SHISA9: variants seen among roughly 807,000 people sequenced by gnomAD.
The protein encoded by SHISA9 is shisa family member 9, also known as protein shisa-9.
SHISA9 carries 13 observed loss-of-function variants against 38.0 expected under a neutral mutation model. The ratio of observed to expected loss-of-function variants is 0.34; its 90% CI spans 0.22 to 0.54. The LOEUF is 0.54. Among genes scored for constraint, SHISA9 ranks in the 20% least tolerant of loss-of-function variants. The pLI is 0.91. For synonymous variants in SHISA9, 275 were observed against 242.0 expected (o/e 1.14, Z -1.27); for missense variants, 538 against 575.8 (o/e 0.93, Z 0.67).
At chr16:13,252,470 G>A in the SHISA9 span, among the ~76,000 whole-genome samples, 3 of 152,308 alleles carry the variant, frequency 2.0e-5, no homozygotes, top group Admixed American at 6.5e-5. Flanking sequence ...GTTCCCAAAT[G>A]TCAGAAGTGC....
chr16:13,151,257 C>A (rs955649811), intron 2 of SHISA9, among the ~76,000 whole-genome samples: 2 of 152,150 alleles, frequency 1.3e-5, no homozygotes, highest in African/African-American at 2.4e-5. Flanking sequence ...CAGGCGCCCG[C>A]CACCACACCT....
At chr16:13,402,670 C>T in the SHISA9 span, among the ~76,000 whole-genome samples, 1 of 152,126 alleles carries the variant, frequency 6.6e-6, no homozygotes, top group African/African-American at 2.4e-5. Flanking sequence ...GGCCGCCACG[C>T]CCGGCTATTT....
At chr16:13,070,057 G>A (rs1440164926) in intron 2 of SHISA9, among the ~76,000 whole-genome samples, 1 of 151,844 alleles carries the variant, frequency 6.6e-6, no homozygotes, top group African/African-American at 2.4e-5. Flanking sequence ...GGAAATTTGG[G>A]GGCTTCCATT....
chr16:13,425,885 G>A, the SHISA9 span, among the ~76,000 whole-genome samples: 3 of 152,150 alleles, frequency 2.0e-5, no homozygotes, highest in East Asian at 1.9e-4. Context: ...CTCTGATACT[G>A]TAGTTGTTAT....
At chr16:13,389,836 T>C in the SHISA9 span, among the ~76,000 whole-genome samples, 1 of 152,346 alleles carries the variant, frequency 6.6e-6, no homozygotes, top group East Asian at 1.9e-4. Flanking sequence ...ATATCTCCAC[T>C]GGCTATAATC....
chr16:13,536,062 G>A, the SHISA9 span, among the ~76,000 whole-genome samples: 3 of 151,052 alleles, frequency 2.0e-5, no homozygotes, highest in East Asian at 1.9e-4. Flanking sequence ...TCAATGGCAC[G>A]GTCTCGGCTC....
chr16:12,967,374 A>T (rs1171798577), intron 2 of SHISA9, among the ~76,000 whole-genome samples: 1 of 152,158 alleles, frequency 6.6e-6, no homozygotes, highest in African/African-American at 2.4e-5. Flanking sequence ...ACACATGGAC[A>T]CAGGAAGGGG....
At chr16:12,961,442 C>T (rs1406761268) in intron 2 of SHISA9, among the ~76,000 whole-genome samples, 3 of 152,124 alleles carry the variant, frequency 2.0e-5, no homozygotes, top group African/African-American at 4.8e-5. Context: ...CCACTTGAGG[C>T]CAGAAGTGGA....
At chr16:12,927,104 C>T (rs1432831428) in intron 2 of SHISA9, among the ~76,000 whole-genome samples, 1 of 151,434 alleles carries the variant, frequency 6.6e-6, no homozygotes, top group East Asian at 1.9e-4. Context: ...ATAATAACAG[C>T]CAATATAAAA....
At chr16:13,249,808 C>T in the SHISA9 span, among the ~76,000 whole-genome samples, 1 of 152,238 alleles carries the variant, frequency 6.6e-6, no homozygotes, top group East Asian at 1.9e-4. Context: ...TGTGGGCTCA[C>T]AGCAGCCTCA....
chr16:13,365,579 T>C, the SHISA9 span, among the ~76,000 whole-genome samples: 8 of 151,438 alleles, frequency 5.3e-5, no homozygotes, highest in Non-Finnish European at 7.4e-5. Context: ...GCCTCAGCCT[T>C]CTGAGTAGCT....
the SHISA9 span, among the ~76,000 whole-genome samples, chr16:13,481,407 T>C: frequency 7.9e-5 from 12 of 152,250 alleles, no homozygotes; most frequent in Non-Finnish European, 1.5e-4. Flanking sequence ...CGTTACAACG[T>C]ACTCCTTCCA....
chr16:13,224,087 G>C (rs2051255769), intron 4 of SHISA9, among the ~76,000 whole-genome samples: 1 of 152,100 alleles, frequency 6.6e-6, no homozygotes, highest in African/African-American at 2.4e-5. Flanking sequence ...GTATTGAAGG[G>C]GATAGCAAAT....
At chr16:13,469,274 A>T in the SHISA9 span, among the ~76,000 whole-genome samples, 2 of 141,876 alleles carry the variant, frequency 1.4e-5, no homozygotes, top group Non-Finnish European at 3.0e-5. Flanking sequence ...AGGTAATTTA[A>T]GGTAAGAGAG....
chr16:13,033,571 G>A (rs907770911), intron 2 of SHISA9, among the ~76,000 whole-genome samples: 1 of 152,190 alleles, frequency 6.6e-6, no homozygotes, highest in Non-Finnish European at 1.5e-5. Flanking sequence ...AAAGGGTTCT[G>A]ACCCAGCTTG....
the SHISA9 span, chr16:13,258,222 T>C: frequency 1.3e-5 from 2 of 152,182 alleles, no homozygotes; most frequent in African/African-American, 4.8e-5. Flanking sequence ...ATAAATAAAT[T>C]TTCTGGTTCA....
At chr16:13,356,692 G>A in the SHISA9 span, among the ~76,000 whole-genome samples, 1 of 152,132 alleles carries the variant, frequency 6.6e-6, no homozygotes, top group Non-Finnish European at 1.5e-5. Flanking sequence ...CGACGCTTGG[G>A]GTTGGTTCTG....
chr16:13,390,382 G>A, the SHISA9 span, among the ~76,000 whole-genome samples: 16 of 152,144 alleles, frequency 1.1e-4, no homozygotes, highest in Non-Finnish European at 1.3e-4. Context: ...TGTCTATCTC[G>A]GCTCAGTTGT....
intron 2 of SHISA9, among the ~76,000 whole-genome samples, chr16:13,121,572 C>T (rs1483967591): frequency 6.6e-6 from 1 of 152,038 alleles, no homozygotes; most frequent in Non-Finnish European, 1.5e-5. Context: ...AAAATATAAA[C>T]ATTAAAATAT....
Sources: allele counts gnomAD v4.1 joint callset (sites outside exome capture counted in the v4.1 genomes callset), GRCh38; gene constraint gnomAD v4.1.1; transcripts MANE v1.5; gene names NCBI Gene and HGNC (gene_info 2026-07-23, HGNC 2026-07-21).